Variants in ZNF652 observed in about 807,000 individuals in gnomAD.
The protein encoded by ZNF652 is zinc finger protein 652.
Under a neutral mutation model 45.2 loss-of-function variants are expected in ZNF652, and 16 were observed. That is an observed-to-expected ratio of 0.35 (90% CI 0.24 to 0.54). ZNF652 has a LOEUF of 0.54. Ranked by LOEUF, ZNF652 falls within the 20% of genes least tolerant of loss-of-function variation. The pLI is 0.91. For synonymous variants in ZNF652, 250 were observed against 260.6 expected (o/e 0.96, Z 0.39); for missense variants, 614 against 765.6 (o/e 0.80, Z 2.34).
At chr17:49,327,638 G>A (rs989038794) in intron 1 of ZNF652, among the ~76,000 whole-genome samples, 15 of 148,822 alleles carry the variant, frequency 1.0e-4, no homozygotes, top group Non-Finnish European at 2.1e-4. Context: ...CAGCACTTTG[G>A]GAGGCTGAGG....
chr17:49,346,044 C>T (rs748281965), intron 1 of ZNF652, among the ~76,000 whole-genome samples: 15 of 152,210 alleles, frequency 9.9e-5, no homozygotes, highest in South Asian at 2.1e-4. Context: ...TGCCAAGTGC[C>T]GCAGCCACAA....
At position 49,317,589 on chromosome 17, in the gene ZNF652, A is replaced by G. The variant is rs2069827393; in HGVS notation, c.137T>C (p.Leu46Pro). 1 of 1,614,058 alleles carries G rather than the reference A, an allele frequency of 6.2e-7. No individual in the cohort carries two copies. The highest frequency in any genetic ancestry group is 1.7e-5 in the Admixed American group (1 of 60,002). ...TTCCCTTTTGTACACTTTGGTGGAC[A>G]GGTCAAGTTCTTGGTTGGCACCATG... Reference protein sequence around the residue: ...FYHGANQELDLSTKVYKRESG... With the variant: ...FYHGANQELDPSTKVYKRESG... Residue 46 changes from leucine (L) to proline (P), a missense_variant, in exon 2 of 6, where the codon CTG becomes CCG. This residue lies in a region of ZNF652 where 133 missense variants were observed against 132.2 expected (regional missense o/e 1.01). Transcript: ENST00000430262.
chr17:49,296,903 T>G lies in ZNF652; in HGVS notation c.*1510A>C, dbSNP rs1198701783. On this transcript the variant is annotated 3_prime_UTR_variant, in exon 6 of 6. Transcript: ENST00000430262. Reference sequence around the variant, plus strand: ...CCCTTCTGTTCAGCCTTTCCTATAATAAGCTCCTGGTTGATTATGGTCTTT... The same window carrying G: ...CCCTTCTGTTCAGCCTTTCCTATAAGAAGCTCCTGGTTGATTATGGTCTTT... 1.3e-5 allele frequency: 2 copies of G among 152,210 alleles called. No homozygotes were observed. Among genetic ancestry groups the G allele is most frequent in the Non-Finnish European group, 2.9e-5 (2 of 68,040 alleles). 9.4% of individuals were successfully genotyped at this position (152,210 alleles called of 1,614,324 possible). A position where few individuals can be genotyped will look rare whatever the true frequency, so the allele number is the denominator to read the frequency against.
In ZNF652 at chr17:49,293,488, T is replaced by C. The variant is rs767476426; in HGVS notation, c.*4925A>G. 4.9e-4 allele frequency among the ~76,000 whole-genome samples: 74 copies of C among 152,204 alleles called. No individual in the cohort carries two copies. Among genetic ancestry groups the C allele is most frequent in the Middle Eastern group, 6.8e-3 (2 of 294 alleles). On this transcript the variant is annotated 3_prime_UTR_variant, in exon 6 of 6. Transcript: ENST00000430262. ...TTGATGGCAACTTTTATGGCTTCCA[T>C]AGAAAGTGTAGAGAGGATCTCTGGT...
chr17:49,354,584 C>G (rs2070314906), intron 1 of ZNF652, among the ~76,000 whole-genome samples: 1 of 146,460 alleles, frequency 6.8e-6, no homozygotes, highest in Non-Finnish European at 1.5e-5. Context: ...GCACCTCAGC[C>G]TGGGCATGGA....
intron 1 of ZNF652, among the ~76,000 whole-genome samples, chr17:49,342,279 A>C (rs886364543): frequency 6.6e-6 from 1 of 152,136 alleles, no homozygotes; most frequent in Non-Finnish European, 1.5e-5. Flanking sequence ...GCTTTCTATA[A>C]ACTTGTGTAC....
chr17:49,345,203 CTTTTTTTTT>C (rs796601844), intron 1 of ZNF652, among the ~76,000 whole-genome samples: 13 of 130,908 alleles, frequency 9.9e-5, no homozygotes, highest in Admixed American at 7.7e-4. Flanking sequence ...CTAGATTTTT[CTTTTTTTTT>C]TTTTTTTTGA....
chr17:49,314,114 C>A, intron 2 of ZNF652, among the ~76,000 whole-genome samples: 1 of 151,202 alleles, frequency 6.6e-6, no homozygotes, highest in Non-Finnish European at 1.5e-5. Flanking sequence ...GTCCCTCGGG[C>A]AGAATATACC....
At chr17:49,340,449 C>T (rs947442051) in intron 1 of ZNF652, among the ~76,000 whole-genome samples, 7 of 148,230 alleles carry the variant, frequency 4.7e-5, no homozygotes, top group Non-Finnish European at 4.5e-5. Context: ...CCAGCTACTC[C>T]GGAGGCTGAG....
At position 49,294,232 on chromosome 17, in the gene ZNF652, T is replaced by C. The variant is rs184591358; in HGVS notation, c.*4181A>G. Among the ~76,000 whole-genome samples the C allele has an allele frequency of 3.9e-5, 6 of 152,284 alleles. No homozygotes were observed. The highest frequency in any genetic ancestry group is 1.4e-4 in the African/African-American group (6 of 41,568). ...GAGCATTTTGCTTTCGGTTAGTATA[T>C]GAGGGACAATCAAATTATAGGGACA... is the stretch of plus-strand genomic sequence containing the variant. On this transcript the variant is annotated 3_prime_UTR_variant, in exon 6 of 6. Transcript: ENST00000430262.
chr17:49,318,678 G>GT, intron 1 of ZNF652, among the ~76,000 whole-genome samples: 1 of 152,294 alleles, frequency 6.6e-6, no homozygotes, highest in South Asian at 2.1e-4. Flanking sequence ...TTACAGTCTA[G>GT]TTTACAACGT....
intron 1 of ZNF652, among the ~76,000 whole-genome samples, chr17:49,358,667 A>G (rs1210730200): frequency 6.6e-6 from 1 of 152,184 alleles, no homozygotes. Flanking sequence ...ATTACTAATC[A>G]ACTTTTTTTT....
intron 1 of ZNF652, among the ~76,000 whole-genome samples, chr17:49,350,063 T>G (rs569660908): frequency 6.6e-6 from 1 of 152,202 alleles, no homozygotes; most frequent in Non-Finnish European, 1.5e-5. Context: ...GCTGAAAAAC[T>G]AATGAAATCT....
At position 49,297,252 on chromosome 17, in the gene ZNF652, CT is replaced by C. The variant is rs1307164335; in HGVS notation, c.*1160del. The C allele has an allele frequency of 1.3e-5, 2 of 152,408 alleles. No homozygotes were observed. The highest frequency in any genetic ancestry group is 4.8e-5 in the African/African-American group (2 of 41,404). The allele number at this position is 152,408 out of a possible 1,614,324, so 9.4% of individuals were successfully genotyped here. On this transcript the variant is annotated 3_prime_UTR_variant, in exon 6 of 6. Coordinates refer to ENST00000430262, the MANE Select transcript of ZNF652 (RefSeq NM_001145365.3). ...AACAATTCTAGAAAAATAAAGCAAC[CT>C]CAAAATGAGCGATTTCAATTTGTCA...
At chr17:49,351,264 C>T (rs1234433198) in intron 1 of ZNF652, among the ~76,000 whole-genome samples, 2 of 151,542 alleles carry the variant, frequency 1.3e-5, no homozygotes, top group Non-Finnish European at 2.9e-5. Flanking sequence ...ACTGGCATGG[C>T]TGATTACAGA....
chr17:49,297,519 CTT>C lies in ZNF652; in HGVS notation c.*892_*893del, dbSNP rs1281805000. 2.6e-5 allele frequency: 4 copies of C among 152,648 alleles called. No individual in the cohort carries two copies. Among genetic ancestry groups the C allele is most frequent in the Middle Eastern group, 3.4e-3 (1 of 294 alleles). 9.5% of individuals were successfully genotyped at this position (152,648 alleles called of 1,614,324 possible). On this transcript the variant is annotated 3_prime_UTR_variant, in exon 6 of 6. Coordinates refer to ENST00000430262, the MANE Select transcript of ZNF652 (RefSeq NM_001145365.3). ...GACAGGAGCACATTAGGGAGCCTCT[CTT>C]GAGTGTTAAGCAGAGATGTCAAAAC... is the stretch of plus-strand genomic sequence containing the variant.
chr17:49,335,124 AATT>A (rs977249951), intron 1 of ZNF652, among the ~76,000 whole-genome samples: 7 of 152,230 alleles, frequency 4.6e-5, no homozygotes, highest in African/African-American at 7.2e-5. Context: ...ATAGTAAATG[AATT>A]ATATTTCAAT....
At chr17:49,361,262 T>C (rs1337578617) in intron 1 of ZNF652, 1 of 152,178 alleles carries the variant, frequency 6.6e-6, no homozygotes, top group African/African-American at 2.4e-5. Flanking sequence ...GAGACATCCC[T>C]CGACAATGAA....
intron 1 of ZNF652, among the ~76,000 whole-genome samples, chr17:49,326,764 T>A (rs1021586353): frequency 3.9e-5 from 6 of 152,226 alleles, no homozygotes; most frequent in Admixed American, 3.9e-4. Context: ...TATTATCTTT[T>A]CACTATTCAC....
Sources: allele counts gnomAD v4.1 joint callset (sites outside exome capture counted in the v4.1 genomes callset), GRCh38; gene constraint gnomAD v4.1.1; regional missense constraint gnomAD v4.1.1; transcripts MANE v1.5; gene names NCBI Gene and HGNC (gene_info 2026-07-23, HGNC 2026-07-21).